The following ACOXL variants were observed in gnomAD, a reference collection of about 807,000 sequenced individuals.
ACOXL encodes the protein acyl-CoA oxidase like, also known as acyl-coenzyme A oxidase-like protein.
In ACOXL, 70 loss-of-function variants were observed where a neutral mutation model predicts 71.9. The ratio of observed to expected loss-of-function variants is 0.97; its 90% CI spans 0.80 to 1.19. The LOEUF (loss-of-function observed/expected upper bound fraction) is 1.19. Among genes scored for constraint, ACOXL ranks in the 50% most tolerant of loss-of-function variants. The pLI is 0.00. For missense variants in ACOXL, 703 were observed against 736.3 expected, an observed-to-expected ratio of 0.95 and a Z score of 0.52; for synonymous variants, 253 against 281.6, an observed-to-expected ratio of 0.90 and a Z score of 1.02.
intron 13 of ACOXL, among the ~76,000 whole-genome samples, chr2:110,988,799 T>A (rs900750046): frequency 3.9e-5 from 6 of 152,060 alleles, no homozygotes; most frequent in African/African-American, 1.4e-4. Flanking sequence ...ACATGTCTGT[T>A]TGCCATTTGT....
intron 12 of ACOXL, among the ~76,000 whole-genome samples, chr2:110,950,256 C>T (rs984244057): frequency 6.6e-6 from 1 of 151,950 alleles, no homozygotes; most frequent in East Asian, 1.9e-4. Context: ...TGAGAAAGTC[C>T]GTATGTCATC....
chr2:110,774,091 A>G (rs1482282260), intron 2 of ACOXL, among the ~76,000 whole-genome samples: 1 of 152,218 alleles, frequency 6.6e-6, no homozygotes, highest in African/African-American at 2.4e-5. Context: ...GCAGTGAAAT[A>G]CTATGTAAAA....
chr2:110,742,323 T>C (rs915093289), intron 1 of ACOXL, among the ~76,000 whole-genome samples: 4 of 152,234 alleles, frequency 2.6e-5, no homozygotes, highest in African/African-American at 9.6e-5. Context: ...AGGGGCATTG[T>C]CAACCTCTTA....
intron 14 of ACOXL, among the ~76,000 whole-genome samples, chr2:111,022,983 G>A (rs534526554): frequency 6.6e-6 from 1 of 152,332 alleles, no homozygotes; most frequent in South Asian, 2.1e-4. Context: ...AGAAAGTGGG[G>A]AAGCAATCAT....
intron 10 of ACOXL, among the ~76,000 whole-genome samples, chr2:110,868,057 G>A (rs559219233): frequency 2.6e-5 from 4 of 152,196 alleles, no homozygotes; most frequent in South Asian, 2.1e-4. Flanking sequence ...CACCACGCCC[G>A]GCCAAAAATT....
intron 9 of ACOXL, among the ~76,000 whole-genome samples, chr2:110,815,079 A>C (rs939725406): frequency 3.3e-5 from 5 of 152,214 alleles, no homozygotes; most frequent in Admixed American, 6.5e-5. Flanking sequence ...AAAACTTACA[A>C]TCATGGTGGA....
chr2:110,876,563 ACCCCTGTCTTCTGTGGCT>A (rs1695931066), intron 10 of ACOXL, among the ~76,000 whole-genome samples: 1 of 152,004 alleles, frequency 6.6e-6, no homozygotes, highest in African/African-American at 2.4e-5. Context: ...CTTGCCCAGG[ACCCCTGTCTTCTGTGGCT>A]CGTGGCTGAC....
chr2:111,083,571 T>TG (rs974570044), intron 16 of ACOXL, among the ~76,000 whole-genome samples: 86 of 152,058 alleles, frequency 5.7e-4, no homozygotes, highest in African/African-American at 2.1e-3. Flanking sequence ...TTTGTTTTTT[T>TG]TTTTGAATAG....
At chr2:110,982,903 C>A (rs901774002) in intron 12 of ACOXL, among the ~76,000 whole-genome samples, 2 of 152,168 alleles carry the variant, frequency 1.3e-5, no homozygotes, top group East Asian at 1.9e-4. Context: ...GTGCTCTGTT[C>A]TCATCATCAT....
intron 10 of ACOXL, among the ~76,000 whole-genome samples, chr2:110,876,703 A>G (rs928476998): frequency 2.0e-4 from 30 of 152,052 alleles, no homozygotes; most frequent in African/African-American, 7.0e-4. Context: ...AATTTAACAC[A>G]CTGGCACAGA....
intron 9 of ACOXL, among the ~76,000 whole-genome samples, chr2:110,816,987 G>A (rs1037558599): frequency 6.6e-6 from 1 of 152,176 alleles, no homozygotes; most frequent in African/African-American, 2.4e-5. Context: ...TGTTCTTAGT[G>A]CCTGGCTTAT....
At chr2:111,114,103 G>C (rs1276342316) in intron 17 of ACOXL, 1 of 152,592 alleles carries the variant, frequency 6.6e-6, no homozygotes, top group Non-Finnish European at 1.5e-5. Context: ...TTATTCTGTG[G>C]GCAGGCAGCC....
At chr2:110,884,105 G>C (rs1226405131) in intron 10 of ACOXL, among the ~76,000 whole-genome samples, 1 of 152,162 alleles carries the variant, frequency 6.6e-6, no homozygotes, top group Non-Finnish European at 1.5e-5. Context: ...CAGGAGCAAA[G>C]CATGCACATT....
At chr2:110,739,437 A>G (rs1306357830) in intron 1 of ACOXL, among the ~76,000 whole-genome samples, 1 of 152,238 alleles carries the variant, frequency 6.6e-6, no homozygotes, top group Non-Finnish European at 1.5e-5. Flanking sequence ...TCCTTTCTCA[A>G]GACTTGCATT....
intron 11 of ACOXL, among the ~76,000 whole-genome samples, chr2:110,921,317 A>C (rs921716001): frequency 8.8e-6 from 1 of 113,866 alleles, no homozygotes; most frequent in African/African-American, 3.4e-5. Flanking sequence ...TCCAATCTTT[A>C]TTTCTTTCCT....
Position 111,041,324 on chromosome 2 carries a change from C to T in ACOXL, c.1370-7894C>T, listed in dbSNP as rs2016029. ...AACAGGATCAATGCCACGCATGAGGCAATTGCAGCTGTCCTATCCATTATC... is the reference window on the plus strand; with the variant it reads ...AACAGGATCAATGCCACGCATGAGGTAATTGCAGCTGTCCTATCCATTATC... On this transcript the variant is annotated intron_variant, in intron 15 of 17. Transcript: ENST00000439055. 5.4e-3 allele frequency among the ~76,000 whole-genome samples: 824 copies of T among 152,318 alleles called. 6 individuals carry two copies. Among genetic ancestry groups the T allele is most frequent in the African/African-American group, 0.019 (795 of 41,566 alleles).
chr2:110,907,954 C>G (rs750157203), intron 10 of ACOXL, among the ~76,000 whole-genome samples: 1 of 152,162 alleles, frequency 6.6e-6, no homozygotes, highest in East Asian at 1.9e-4. Flanking sequence ...TAACATAGCA[C>G]AATGTATGTG....
At chr2:110,932,948 G>A (rs373168639) in intron 11 of ACOXL, among the ~76,000 whole-genome samples, 1 of 152,226 alleles carries the variant, frequency 6.6e-6, no homozygotes, top group Admixed American at 6.5e-5. Flanking sequence ...AGACTTTGGA[G>A]GAGCAGGTTT....
intron 14 of ACOXL, among the ~76,000 whole-genome samples, chr2:111,013,044 A>G (rs1045704525): frequency 7.2e-5 from 11 of 152,212 alleles, no homozygotes; most frequent in Non-Finnish European, 1.0e-4. Context: ...CCCTAGCAAG[A>G]CTGATCAGGA....
Sources: gnomAD v4.1 joint callset for allele counts (sites outside exome capture counted in the v4.1 genomes callset) on GRCh38, gnomAD v4.1.1 for gene constraint, MANE v1.5 for transcripts, NCBI Gene and HGNC (gene_info 2026-07-23, HGNC 2026-07-21) for gene names.